Variants in ADARB1 observed in about 807,000 individuals in gnomAD.
The protein encoded by ADARB1 is double-stranded RNA-specific editase 1.
ADARB1 carries 10 observed loss-of-function variants against 52.4 expected under a neutral mutation model. The observed-to-expected ratio is 0.19, with a 90% CI of 0.12 to 0.32. The LOEUF (loss-of-function observed/expected upper bound fraction) is 0.32, where lower values mean the gene tolerates loss of function less well. Among genes scored for constraint, ADARB1 ranks in the 10% least tolerant of loss-of-function variants. The pLI, the probability that ADARB1 is intolerant of heterozygous loss-of-function variation, is 1.00. For missense variants in ADARB1, 643 were observed against 922.3 expected (o/e 0.70, Z 3.92); for synonymous variants, 349 against 371.1 (o/e 0.94, Z 0.68).
intron 7 of ADARB1, chr21:45,184,706 CT>C (rs2092042760): frequency 2.1e-6 from 1 of 480,392 alleles, no homozygotes. Context: ...CTGCCTCAGC[CT>C]CCCAAAGTGC....
intron 1 of ADARB1, among the ~76,000 whole-genome samples, chr21:45,117,731 A>G (rs764060007): frequency 2.0e-5 from 3 of 152,198 alleles, no homozygotes; most frequent in Non-Finnish European, 2.9e-5. Context: ...TAATGTAACT[A>G]TTTTAAAAAA....
chr21:45,095,447 T>C (rs1028786027), intron 1 of ADARB1, among the ~76,000 whole-genome samples: 3 of 152,218 alleles, frequency 2.0e-5, no homozygotes, highest in African/African-American at 4.8e-5. Flanking sequence ...GCCCCCTTTT[T>C]CTGTTAGCTC....
intron 1 of ADARB1, among the ~76,000 whole-genome samples, chr21:45,099,585 T>G (rs1452884787): frequency 6.6e-6 from 1 of 152,100 alleles, no homozygotes; most frequent in Non-Finnish European, 1.5e-5. Context: ...GAGAATCACT[T>G]GAACCTTGGG....
intron 1 of ADARB1, among the ~76,000 whole-genome samples, chr21:45,113,917 C>T (rs182623845): frequency 4.6e-5 from 7 of 152,246 alleles, no homozygotes; most frequent in Admixed American, 2.0e-4. Flanking sequence ...ATGAATAGCA[C>T]GTATAAGAAA....
intron 3 of ADARB1, among the ~76,000 whole-genome samples, chr21:45,174,764 T>C (rs916419629): frequency 1.3e-5 from 2 of 152,348 alleles, no homozygotes; most frequent in Middle Eastern, 3.4e-3. Flanking sequence ...TTAAAAATTA[T>C]GTTTATTTTG....
At chr21:45,194,109 A>G (rs2092369123) in intron 8 of ADARB1, among the ~76,000 whole-genome samples, 1 of 152,242 alleles carries the variant, frequency 6.6e-6, no homozygotes, top group Non-Finnish European at 1.5e-5. Flanking sequence ...TGGCATAAAG[A>G]TAAGTATACA....
intron 1 of ADARB1, among the ~76,000 whole-genome samples, chr21:45,109,468 C>T (rs1408766218): frequency 6.6e-6 from 1 of 152,212 alleles, no homozygotes; most frequent in African/African-American, 2.4e-5. Flanking sequence ...GCTTGGTCAA[C>T]AGGTGGAAAA....
chr21:45,076,394 C>T (rs2085937184), intron 1 of ADARB1, among the ~76,000 whole-genome samples: 1 of 152,166 alleles, frequency 6.6e-6, no homozygotes, highest in South Asian at 2.1e-4. Flanking sequence ...CTCACACAGA[C>T]TCTGAAAGGA....
At chr21:45,120,763 T>A (rs1261209568) in intron 1 of ADARB1, 1 of 152,254 alleles carries the variant, frequency 6.6e-6, no homozygotes, top group African/African-American at 2.4e-5. Context: ...TTATCAGCTT[T>A]CTTTATCCTC....
chr21:45,175,619 A>T, intron 3 of ADARB1, 111 bp from the exon 4 acceptor site: 1 of 1,077,012 alleles, frequency 9.3e-7, no homozygotes, highest in Non-Finnish European at 1.3e-6. Flanking sequence ...TAAAATTTAT[A>T]AGCACACATC....
chr21:45,085,501 C>T (rs1162752918), intron 1 of ADARB1, among the ~76,000 whole-genome samples: 5 of 152,310 alleles, frequency 3.3e-5, no homozygotes, highest in Non-Finnish European at 5.9e-5. Flanking sequence ...GGACTCTTTA[C>T]GTCTACTCCA....
chr21:45,207,657 T>A (rs1259825077), intron 9 of ADARB1, among the ~76,000 whole-genome samples: 1 of 152,252 alleles, frequency 6.6e-6, no homozygotes, highest in Non-Finnish European at 1.5e-5. Context: ...ATTGGCCCCC[T>A]TGCTGTGCAC....
At chr21:45,118,058 T>C (rs2087929424) in intron 1 of ADARB1, among the ~76,000 whole-genome samples, 1 of 152,248 alleles carries the variant, frequency 6.6e-6, no homozygotes, top group African/African-American at 2.4e-5. Flanking sequence ...CCTGCAAGTG[T>C]AGTCTAAACA....
chr21:45,098,341 C>T (rs1010386601), intron 1 of ADARB1, among the ~76,000 whole-genome samples: 6 of 152,344 alleles, frequency 3.9e-5, no homozygotes, highest in African/African-American at 7.2e-5. Context: ...CCACTCTCCC[C>T]GTCTCTGTCT....
chr21:45,167,656 C>T (rs1601728144), intron 2 of ADARB1, among the ~76,000 whole-genome samples: 1 of 152,110 alleles, frequency 6.6e-6, no homozygotes, highest in Non-Finnish European at 1.5e-5. Flanking sequence ...GAGGCTGAGG[C>T]AGGCAGCTTG....
intron 2 of ADARB1, chr21:45,136,979 C>T (rs919598001): frequency 6.6e-6 from 1 of 152,172 alleles, no homozygotes; most frequent in Non-Finnish European, 1.5e-5. Context: ...CAATTAACCA[C>T]AGAAGTATGA....
chr21:45,222,285 A>G lies in ADARB1; in HGVS notation c.*88A>G. On this transcript the variant is annotated 3_prime_UTR_variant, in exon 11 of 11. Transcript: ENST00000348831. The stretch of plus-strand genomic sequence containing the variant: ...TCACATCTGAACTGGGGGCAGGTGC[A>G]TACCTTGGGGAGGGAGTAGGGGGAC... The G allele has an allele frequency of 7.0e-7, 1 of 1,433,082 alleles. No individual in the cohort carries two copies. Among genetic ancestry groups the G allele is most frequent in the Non-Finnish European group, 9.1e-7 (1 of 1,096,994 alleles). The allele number at this position is 1,433,082 out of a possible 1,614,324, so 88.8% of individuals were successfully genotyped here. A position where few individuals can be genotyped will look rare whatever the true frequency, so the allele number is the denominator to read the frequency against.
At position 45,176,611 on chromosome 21, in the gene ADARB1, A is replaced by G; in HGVS notation, c.910A>G (p.Thr304Ala). 1 of 1,613,994 alleles carries G rather than the reference A, an allele frequency of 6.2e-7. No individual in the cohort carries two copies. The highest frequency in any genetic ancestry group is 1.1e-5 in the South Asian group (1 of 91,066). The part of the protein sequence containing the change: ...AAIFNLHLDQ[T>A]PSRQPIPSEG... ...CATTTTTAACTTGCACTTGGATCAGACGCCATCTCGCCAGCCTATTCCCAG... is the reference window on the plus strand; with the variant it reads ...CATTTTTAACTTGCACTTGGATCAGGCGCCATCTCGCCAGCCTATTCCCAG... The change falls in exon 4 of 11, where the codon ACG (threonine) becomes GCG (alanine). Residue 304 changes from threonine to alanine, a missense_variant. Around this residue, in one of 2 missense-constraint regions of ADARB1, gnomAD observed 380 missense variants for 446.5 expected, o/e 0.85. Transcript: ENST00000348831. The surrounding 1 kb of genome is among the most constrained non-coding windows in gnomAD (Gnocchi z 5.8).
chr21:45,188,109 C>T (rs752820445), intron 8 of ADARB1, among the ~76,000 whole-genome samples: 7 of 151,556 alleles, frequency 4.6e-5, no homozygotes, highest in Admixed American at 1.3e-4. Flanking sequence ...ACATTTGGTC[C>T]TGGGCTTTTT....
Sources: allele counts gnomAD v4.1 joint callset (sites outside exome capture counted in the v4.1 genomes callset), GRCh38; gene constraint gnomAD v4.1.1; regional missense constraint gnomAD v4.1.1; non-coding constraint Gnocchi (gnomAD v3.1); transcripts MANE v1.5; gene names NCBI Gene and HGNC (gene_info 2026-07-23, HGNC 2026-07-21).